TAF1B: variants seen among roughly 807,000 people sequenced by gnomAD.
TAF1B encodes the protein TATA-box binding protein associated factor, RNA polymerase I subunit B.
Under a neutral mutation model 83.9 loss-of-function variants are expected in TAF1B, and 61 were observed. The ratio of observed to expected loss-of-function variants is 0.73; its 90% CI spans 0.59 to 0.90. The LOEUF (loss-of-function observed/expected upper bound fraction) is 0.90. TAF1B is among the 40% of genes least tolerant of loss of function. The pLI is 0.00. For synonymous variants in TAF1B, 221 were observed against 224.6 expected (o/e 0.98, Z 0.14); for missense variants, 625 against 677.0 (o/e 0.92, Z 0.85).
chr2:9,917,795 G>A (rs1303194798), intron 12 of TAF1B, among the ~76,000 whole-genome samples: 7 of 151,792 alleles, frequency 4.6e-5, no homozygotes, highest in Admixed American at 2.0e-4. Context: ...GGAGCCGGCC[G>A]GGCGCGGTGG....
intron 2 of TAF1B, 79 bp from the exon 3 acceptor site, chr2:9,849,294 C>A: frequency 1.7e-6 from 2 of 1,155,776 alleles, no homozygotes; most frequent in Non-Finnish European, 2.4e-6. Context: ...GTTTATTATA[C>A]TTTCCAGAAA....
At chr2:9,874,726 T>G (rs891607027) in intron 6 of TAF1B, among the ~76,000 whole-genome samples, 5 of 152,166 alleles carry the variant, frequency 3.3e-5, no homozygotes, top group Admixed American at 3.3e-4. Flanking sequence ...GGTGAATGAA[T>G]GAAGATACCA....
At chr2:9,888,632 T>C (rs141392674) in intron 8 of TAF1B, among the ~76,000 whole-genome samples, 1 of 152,104 alleles carries the variant, frequency 6.6e-6, no homozygotes, top group East Asian at 1.9e-4. Flanking sequence ...CTGCCTAATT[T>C]CTGATGTCAA....
intron 5 of TAF1B, 34 bp from the exon 6 acceptor site, chr2:9,868,242 C>T (rs1332780329): frequency 1.3e-6 from 2 of 1,539,432 alleles, no homozygotes; most frequent in East Asian, 2.5e-5. Flanking sequence ...AAAACTGTTA[C>T]ACAATAATTT....
Position 9,933,687 on chromosome 2 carries a change from T to C in TAF1B, c.1566-96T>C. On this transcript the variant is annotated intron_variant, in intron 14 of 14. Transcript: ENST00000263663. ...GTCCTGTTTTAAGCCTAACCATATA[T>C]ATTTGCTAAGTTATTTGGGGGGATG... is the stretch of plus-strand genomic sequence containing the variant. The C allele has an allele frequency of 5.0e-6, 5 of 1,009,914 alleles. No individual in the cohort carries two copies. The South Asian group carries it at 8.3e-5, about 17-fold the overall frequency. 62.6% of individuals were successfully genotyped at this position (1,009,914 alleles called of 1,614,324 possible).
At position 9,919,768 on chromosome 2, in the gene TAF1B, C is replaced by T. The variant is rs1665814295; in HGVS notation, c.1513C>T (p.Leu505=). The T allele has an allele frequency of 6.2e-7, 1 of 1,614,068 alleles. No homozygotes were observed. The highest frequency in any genetic ancestry group is 8.5e-7 in the Non-Finnish European group (1 of 1,180,024). Residue 505 remains leucine (L), a synonymous_variant, in exon 14 of 15, where the codon CTG becomes TTG. Transcript: ENST00000263663. The part of the protein sequence containing the change: ...QGVLKEKGQS[L]LTKNSLYWLS... ...AGTCCTGAAAGAGAAAGGCCAATCA[C>T]TGCTGACTAAGAATTCATTATATTG...
chr2:9,872,631 A>C (rs1386905865), intron 6 of TAF1B, among the ~76,000 whole-genome samples: 1 of 152,200 alleles, frequency 6.6e-6, no homozygotes, highest in East Asian at 1.9e-4. Flanking sequence ...ACATGTTTAA[A>C]AAATTCTCTT....
intron 8 of TAF1B, among the ~76,000 whole-genome samples, chr2:9,888,790 G>GTTTTTTT (rs56125595): frequency 1.6e-4 from 13 of 81,646 alleles, no homozygotes; most frequent in African/African-American, 8.5e-4. Context: ...CTTCTGCTTG[G>GTTTTTTT]TTTTTTTTTT....
At position 9,911,497 on chromosome 2, in the gene TAF1B, A is replaced by G; in HGVS notation, c.1134-14A>G. 1 of 1,505,732 alleles carries G rather than the reference A, an allele frequency of 6.6e-7. No individual in the cohort carries two copies. 93.3% of individuals were successfully genotyped at this position (1,505,732 alleles called of 1,614,324 possible). On this transcript the variant is annotated splice_polypyrimidine_tract_variant and intron_variant, in intron 10 of 14. Transcript: ENST00000263663. ...GACTTCTAAATAAATTGATTTGTTT[A>G]TTGTTATCTCCAGGTCTTTGTCTAA...
In TAF1B at chr2:9,911,513, C is replaced by A. The variant is rs368058096; in HGVS notation, c.1136C>A (p.Ser379Tyr). Residue 379 changes from serine to tyrosine, a missense_variant and splice_region_variant, in exon 11 of 15, where the codon TCT (serine) becomes TAT (tyrosine). Transcript: ENST00000263663. ...LFLLDDSFEW[S>Y]LSNLAEKHNE... ...GATTTGTTTATTGTTATCTCCAGGTCTTTGTCTAATCTTGCTGAAAAGCAT... is the reference window on the plus strand; with the variant it reads ...GATTTGTTTATTGTTATCTCCAGGTATTTGTCTAATCTTGCTGAAAAGCAT... 6.6e-7 allele frequency: 1 copy of A among 1,512,904 alleles called. No individual in the cohort carries two copies. 93.7% of individuals were successfully genotyped at this position (1,512,904 alleles called of 1,614,324 possible). A position where few individuals can be genotyped will look rare whatever the true frequency, so the allele number is the denominator to read the frequency against.
intron 2 of TAF1B, among the ~76,000 whole-genome samples, chr2:9,847,665 A>G (rs1370737070): frequency 6.6e-6 from 1 of 152,216 alleles, no homozygotes; most frequent in East Asian, 1.9e-4. Context: ...ATGTAAGGTC[A>G]TAAATCTGTT....
chr2:9,888,790 G>GGTTTTTT lies in TAF1B; in HGVS notation c.807+5985_807+5986insGTTTTTT, dbSNP rs753209727. ...GTTTTCTTTATGTTTCTTCTGCTTG[G>GGTTTTTT]TTTTTTTTTTTTTTTTTTTTTTTTT... On this transcript the variant is annotated intron_variant, in intron 8 of 14. Transcript: ENST00000263663. Among the ~76,000 whole-genome samples, 4 of 81,668 alleles carry GGTTTTTT rather than the reference G, an allele frequency of 4.9e-5. 1 individual carries two copies. The highest frequency in any genetic ancestry group is 8.4e-5 in the Non-Finnish European group (4 of 47,652). 53.6% of individuals were successfully genotyped at this position (81,668 alleles called of 152,430 possible).
chr2:9,905,642 A>G (rs1028930330), intron 9 of TAF1B, among the ~76,000 whole-genome samples: 2 of 152,226 alleles, frequency 1.3e-5, no homozygotes, highest in Non-Finnish European at 2.9e-5. Context: ...TAGAAATGTG[A>G]GAAATTTTGG....
chr2:9,915,640 C>A (rs35609983), intron 12 of TAF1B, among the ~76,000 whole-genome samples: 77,874 of 151,696 alleles, frequency 0.51, 22,945 homozygotes, highest in Non-Finnish European at 0.68. Context: ...TGATCATTCC[C>A]AGTGTGGGAA....
At chr2:9,903,789 A>G (rs1186586356) in intron 8 of TAF1B, among the ~76,000 whole-genome samples, 1 of 152,192 alleles carries the variant, frequency 6.6e-6, no homozygotes, top group South Asian at 2.1e-4. Context: ...TGACAACATT[A>G]TAACTCTGAT....
intron 2 of TAF1B, among the ~76,000 whole-genome samples, chr2:9,847,874 G>A (rs1257683571): frequency 2.0e-5 from 3 of 152,290 alleles, no homozygotes. Context: ...GTGTGAAATG[G>A]AGAAAGGGAT....
chr2:9,926,099 C>A (rs1666025046), intron 14 of TAF1B, among the ~76,000 whole-genome samples: 1 of 152,082 alleles, frequency 6.6e-6, no homozygotes, highest in Non-Finnish European at 1.5e-5. Context: ...GCAAGACTTG[C>A]TTCACCCAGG....
At chr2:9,845,757 T>G (rs529218785) in intron 2 of TAF1B, 7 of 251,896 alleles carry the variant, frequency 2.8e-5, no homozygotes, top group Non-Finnish European at 4.7e-5. Context: ...CTAAGGCAGG[T>G]GGATCACCTG....
intron 9 of TAF1B, among the ~76,000 whole-genome samples, chr2:9,907,931 C>G (rs906754239): frequency 6.6e-6 from 1 of 151,672 alleles, no homozygotes; most frequent in South Asian, 2.1e-4. Context: ...TTCCAAGACC[C>G]TATACTGTTC....
Sources: gnomAD v4.1 joint callset for allele counts (sites outside exome capture counted in the v4.1 genomes callset) on GRCh38, gnomAD v4.1.1 for gene constraint, MANE v1.5 for transcripts, NCBI Gene and HGNC (gene_info 2026-07-23, HGNC 2026-07-21) for gene names.